Variants in LIPE observed in about 807,000 individuals in gnomAD.
LIPE encodes lipase E, hormone sensitive type.
LIPE carries 66 observed loss-of-function variants against 88.5 expected under a neutral mutation model. The ratio of observed to expected loss-of-function variants is 0.75; its 90% CI spans 0.61 to 0.91. LIPE has a LOEUF of 0.91. LIPE is among the 40% of genes least tolerant of loss of function. LIPE has a pLI of 0.00. For synonymous variants in LIPE, 570 were observed against 617.5 expected (o/e 0.92, Z 1.14); for missense variants, 1,346 against 1,434.7 (o/e 0.94, Z 1.00).
rs12983244 is a variant in LIPE, at chr19:42,405,980, A to T, written c.2365+181T>A. 0.078 allele frequency: 20,302 copies of T among 259,358 alleles called. 264 individuals carry two copies. The highest frequency in any genetic ancestry group is 0.16 in the African/African-American group (3,775 of 23,472). 16.1% of individuals were successfully genotyped at this position (259,358 alleles called of 1,614,324 possible). A position where few individuals can be genotyped will look rare whatever the true frequency, so the allele number is the denominator to read the frequency against. On this transcript the variant is annotated intron_variant, in intron 7 of 9. Coordinates refer to ENST00000244289, the MANE Select transcript of LIPE (RefSeq NM_005357.4). ...CTGTCTGTCTCTCTCTCTCTCTCAC[A>T]CACACACACACACACACACACACAC...
Position 42,407,754 on chromosome 19 carries a change from C to T in LIPE, c.1694G>A (p.Ser565Asn), listed in dbSNP as rs755552403. 6.4e-7 allele frequency: 1 copy of T among 1,557,838 alleles called. No individual in the cohort carries two copies. Among genetic ancestry groups the T allele is most frequent in the South Asian group, 1.2e-5 (1 of 81,580 alleles). ...TTCGGGTGGCAGGCTGAGCAGGCGG[C>T]TTACCCTCACGGTGGCCGATGCCAT... ...ANMASATVRVSRLLSLPPEAF... is the reference protein window; with the variant it reads ...ANMASATVRVNRLLSLPPEAF... Residue 565 changes from serine (S) to asparagine (N), a missense_variant, in exon 5 of 10, where the codon AGC becomes AAC. Ser to Asn is a conservative substitution (Grantham distance 46, BLOSUM62 1). Transcript: ENST00000244289. The surrounding 1 kb of genome is among the most constrained non-coding windows in gnomAD (Gnocchi z 5.8).
Position 42,408,056 on chromosome 19 carries a change from C to G in LIPE, c.1576G>C (p.Glu526Gln), listed in dbSNP as rs1600117366. The change falls in exon 4 of 10, where the codon GAG becomes CAG. Residue 526 changes from glutamate (E) to glutamine (Q), a missense_variant. Physicochemically the swap from Glu to Gln is conservative, Grantham distance 29. Coordinates refer to ENST00000244289, the MANE Select transcript of LIPE (RefSeq NM_005357.4). This position sits in a 1 kb window ranked among gnomAD's most constrained non-coding sequence, Gnocchi z 4.3. ...FAIDPELRGA[E>Q]FERITQNLDV... ...AGGTTCTGTGTGATCCGCTCAAACT[C>G]AGCCCCACGCAGCTCGGGGTCGATG... The G allele has an allele frequency of 1.2e-6, 2 of 1,613,948 alleles. No individual in the cohort carries two copies. The highest frequency in any genetic ancestry group is 4.5e-5 in the East Asian group (2 of 44,882).
chr19:42,407,442 T>C lies in LIPE; in HGVS notation c.1869A>G (p.Ile623Met). ...GQDSEELSSL[I>M]KSNGQRSLEL... ...CCAGGCTCCGTTGGCCGTTGGACTT[T>C]ATCAGGCTGCTGAGCTCCTCACTGT... Residue 623 changes from isoleucine to methionine, a missense_variant, in exon 6 of 10, where the codon ATA becomes ATG. Coordinates refer to ENST00000244289, the MANE Select transcript of LIPE (RefSeq NM_005357.4). The surrounding 1 kb of genome is among the most constrained non-coding windows in gnomAD (Gnocchi z 5.8). 6.2e-7 allele frequency: 1 copy of C among 1,613,212 alleles called. No individual in the cohort carries two copies. Among genetic ancestry groups the C allele is most frequent in the Non-Finnish European group, 8.5e-7 (1 of 1,179,460 alleles).
rs764266227 is a variant in LIPE at position 42,407,804 on chromosome 19, G to T, written c.1657-13C>A. On this transcript the variant is annotated splice_polypyrimidine_tract_variant and intron_variant, in intron 4 of 9. Coordinates refer to ENST00000244289, the MANE Select transcript of LIPE (RefSeq NM_005357.4). The surrounding 1 kb of genome is among the most constrained non-coding windows in gnomAD (Gnocchi z 5.8). ...TGTTGGCCAGAGACTGGAGGGAGGG[G>T]ACAGAAGGGGTGCTAGGGAAGGTCT... 1.3e-6 allele frequency: 2 copies of T among 1,548,332 alleles called. No homozygotes were observed. Among genetic ancestry groups the T allele is most frequent in the Non-Finnish European group, 1.7e-6 (2 of 1,146,194 alleles).
At position 42,407,694 on chromosome 19, in the gene LIPE, A is replaced by G; in HGVS notation, c.1754T>C (p.Leu585Pro). 6.3e-7 allele frequency: 1 copy of G among 1,597,648 alleles called. No individual in the cohort carries two copies. The highest frequency in any genetic ancestry group is 1.1e-5 in the South Asian group (1 of 88,456). ...CAGTGGGGGTGAGATGGTGACCGTGAGCGTGGGGTCGGCAGTCAGTGGCAT... is the reference window on the plus strand; with the variant it reads ...CAGTGGGGGTGAGATGGTGACCGTGGGCGTGGGGTCGGCAGTCAGTGGCAT... ...FEMPLTADPT[L>P]TVTISPPLAH... The change falls in exon 5 of 10, where the codon CTC becomes CCC. Residue 585 changes from leucine to proline, a missense_variant. Physicochemically the swap from Leu to Pro is moderately conservative, Grantham distance 98. Transcript: ENST00000244289. This position sits in a 1 kb window ranked among gnomAD's most constrained non-coding sequence, Gnocchi z 5.8.
At position 42,402,621 on chromosome 19, in the gene LIPE, G is replaced by C; in HGVS notation, c.2953C>G (p.Pro985Ala). 6.7e-7 allele frequency: 1 copy of C among 1,494,546 alleles called. No individual in the cohort carries two copies. The highest frequency in any genetic ancestry group is 8.9e-7 in the Non-Finnish European group (1 of 1,120,190). 92.6% of individuals were successfully genotyped at this position (1,494,546 alleles called of 1,614,324 possible). A position where few individuals can be genotyped will look rare whatever the true frequency, so the allele number is the denominator to read the frequency against. ...CTGTCGCTCACCACGATGTGCACAG[G>C]TGGCAGGCTCTTGAGCATGCTGTCG... ...APDSMLKSLP[P>A]VHIVACALDP... Residue 985 changes from proline to alanine, a missense_variant, in exon 9 of 10, where the codon CCT becomes GCT. Coordinates refer to ENST00000244289, the MANE Select transcript of LIPE (RefSeq NM_005357.4).
chr19:42,405,974 T>TGTCA (rs1555788424), intron 7 of LIPE, 187 bp downstream of exon 7: 63 of 481,728 alleles, frequency 1.3e-4, no homozygotes, highest in Admixed American at 2.5e-4. Flanking sequence ...TCTCTCTCTC[T>TGTCA]CTCACACACA....
At chr19:42,424,088 G>A (rs1600148750) in intron 1 of LIPE, 1 of 1,189,512 alleles carries the variant, frequency 8.4e-7, no homozygotes, top group Admixed American at 3.7e-5. Flanking sequence ...CCTGAGAGCC[G>A]TTGGAGGAGG....
Position 42,408,366 on chromosome 19 carries a change from A to G in LIPE, c.1420-44T>C, listed in dbSNP as rs764226679. The G allele has an allele frequency of 1.3e-6, 2 of 1,501,600 alleles. No individual in the cohort carries two copies. The highest frequency in any genetic ancestry group is 2.8e-5 in the African/African-American group (2 of 72,650). 93.0% of individuals were successfully genotyped at this position (1,501,600 alleles called of 1,614,324 possible). A position where few individuals can be genotyped will look rare whatever the true frequency, so the allele number is the denominator to read the frequency against. ...GCGTCACCCACCGCTCAAGAGAGGG[A>G]TGGGGACAGGGCAGGAGCGAGGCAC... On this transcript the variant is annotated intron_variant, in intron 2 of 9. Coordinates refer to ENST00000244289, the MANE Select transcript of LIPE (RefSeq NM_005357.4). This position sits in a 1 kb window ranked among gnomAD's most constrained non-coding sequence, Gnocchi z 4.3.
At chr19:42,416,275 C>T (rs976250689) in intron 1 of LIPE, among the ~76,000 whole-genome samples, 10 of 151,944 alleles carry the variant, frequency 6.6e-5, no homozygotes, top group South Asian at 2.1e-4. Context: ...ACCTGGGAGG[C>T]GGTGGTTGCA....
At chr19:42,402,136 T>G (rs1600099184) in intron 9 of LIPE, 61 bp from the exon 10 acceptor site, 1 of 1,394,924 alleles carries the variant, frequency 7.2e-7, no homozygotes. Flanking sequence ...CGGGGTCGGG[T>G]AGAGCGAGGA....
rs2040329149 is a variant in LIPE, at chr19:42,410,209, A to C, written c.1419+98T>G. 2.4e-6 allele frequency: 3 copies of C among 1,238,514 alleles called. No homozygotes were observed. Among genetic ancestry groups the C allele is most frequent in the African/African-American group, 1.5e-5 (1 of 66,110 alleles). 76.7% of individuals were successfully genotyped at this position (1,238,514 alleles called of 1,614,324 possible). ...TACCTGCTGTTTGCTGAGTCCGATA[A>C]TGCTGACCACTGGTTACTTTACCAT... On this transcript the variant is annotated intron_variant, in intron 2 of 9. Transcript: ENST00000244289. The surrounding 1 kb of genome is among the most constrained non-coding windows in gnomAD (Gnocchi z 6.1).
intron 1 of LIPE, among the ~76,000 whole-genome samples, chr19:42,415,626 C>G (rs1043430349): frequency 4.0e-5 from 6 of 151,890 alleles, no homozygotes; most frequent in African/African-American, 1.2e-4. Context: ...CTGGCTAACA[C>G]GGTGAAACCC....
At chr19:42,425,885 C>G (rs914865438) in intron 1 of LIPE, among the ~76,000 whole-genome samples, 1 of 152,110 alleles carries the variant, frequency 6.6e-6, no homozygotes, top group Non-Finnish European at 1.5e-5. Context: ...TCATTGCAAC[C>G]TTTGCCTCCC....
intron 1 of LIPE, among the ~76,000 whole-genome samples, chr19:42,420,009 CTTTTTT>C (rs201890153): frequency 7.8e-6 from 1 of 128,700 alleles, no homozygotes; most frequent in Admixed American, 7.7e-5. Context: ...GATTTCTTTT[CTTTTTT>C]TTTTTTTTTT....
Position 42,426,454 on chromosome 19 carries a change from AG to A in LIPE, c.695del (p.Ser232LeufsTer27). On this transcript the variant is annotated frameshift_variant, in exon 1 of 10. Coordinates refer to ENST00000244289, the MANE Select transcript of LIPE (RefSeq NM_005357.4). LOFTEE classifies it high-confidence loss of function. The stretch of plus-strand genomic sequence containing the variant: ...ATGATCCCACATCTGATTCTGACTC[AG>A]AATCTGTGACCCACTCAGAAAGTGC... Reference protein sequence around the residue: ...WKALSEWVTDSESESDVGSSS... With the variant: ...WKALSEWVTDXESESDVGSSS... The A allele has an allele frequency of 6.2e-7, 1 of 1,614,026 alleles. No individual in the cohort carries two copies. Among genetic ancestry groups the A allele is most frequent in the Non-Finnish European group, 8.5e-7 (1 of 1,179,926 alleles).
Position 42,427,161 on chromosome 19 carries a change from T to C in LIPE, c.-12A>G. 1 of 1,575,496 alleles carries C rather than the reference T, an allele frequency of 6.3e-7. No homozygotes were observed. ...GAACCTGGCTCCATTGTTATTTCCC[T>C]CACGGGAGATATTGATCTTCCAGGT... On this transcript the variant is annotated 5_prime_UTR_variant, in exon 1 of 10. Coordinates refer to ENST00000244289, the MANE Select transcript of LIPE (RefSeq NM_005357.4).
At position 42,410,718 on chromosome 19, in the gene LIPE, G is replaced by A. The variant is rs1344854605; in HGVS notation, c.1008C>T (p.Gly336=). The stretch of plus-strand genomic sequence containing the variant: ...CCTGCTCCCGTACACCGGCAAAAAC[G>A]CCTGACAGCCGCTGGGCCGTTTCCC... The part of the protein sequence containing the change: ...GPGETAQRLS[G]VFAGVREQAL... The change falls in exon 2 of 10, where the codon GGC becomes GGT. Residue 336 remains glycine, a synonymous_variant. Transcript: ENST00000244289. This position sits in a 1 kb window ranked among gnomAD's most constrained non-coding sequence, Gnocchi z 6.1. 9.3e-6 allele frequency: 15 copies of A among 1,613,706 alleles called. No homozygotes were observed. The highest frequency in any genetic ancestry group is 5.3e-5 in the African/African-American group (4 of 74,940).
At position 42,407,770 on chromosome 19, in the gene LIPE, C is replaced by T. The variant is rs1443357591; in HGVS notation, c.1678G>A (p.Ala560Thr). The T allele has an allele frequency of 6.5e-6, 10 of 1,548,442 alleles. No homozygotes were observed. In the South Asian group the frequency reaches 9.9e-5, roughly 15 times the overall value. ...AGCAGGCGGCTTACCCTCACGGTGG[C>T]CGATGCCATGTTGGCCAGAGACTGG... The part of the protein sequence containing the change: ...VLSSLANMAS[A>T]TVRVSRLLSL... The change falls in exon 5 of 10, where the codon GCC becomes ACC. Residue 560 changes from alanine to threonine, a missense_variant. By Grantham distance (58) the Ala-to-Thr change is moderately conservative. Transcript: ENST00000244289. This position sits in a 1 kb window ranked among gnomAD's most constrained non-coding sequence, Gnocchi z 5.8.
Sources: allele counts gnomAD v4.1 joint callset (sites outside exome capture counted in the v4.1 genomes callset), GRCh38; gene constraint gnomAD v4.1.1; non-coding constraint Gnocchi (gnomAD v3.1); transcripts MANE v1.5; gene names NCBI Gene and HGNC (gene_info 2026-07-23, HGNC 2026-07-21).